EYS: variants seen among roughly 807,000 people sequenced by gnomAD.
The protein encoded by EYS is protein eyes shut homolog.
In EYS, 250 loss-of-function variants were observed where a neutral mutation model predicts 282.1. The observed-to-expected ratio is 0.89, with a 90% CI of 0.80 to 0.98. The LOEUF (loss-of-function observed/expected upper bound fraction) is 0.98. Ranked by LOEUF, EYS falls within the 50% of genes least tolerant of loss-of-function variation. The pLI, the probability that EYS is intolerant of heterozygous loss-of-function variation, is 0.00. For synonymous variants in EYS, 1,355 were observed against 1,282.9 expected (o/e 1.06, Z -1.20); for missense variants, 4,016 against 3,709.0 (o/e 1.08, Z -2.15).
chr6:64,682,823 C>T (rs1432368593), intron 22 of EYS, among the ~76,000 whole-genome samples: 2 of 152,180 alleles, frequency 1.3e-5, no homozygotes, highest in Non-Finnish European at 2.9e-5. Flanking sequence ...AACTTCCGCT[C>T]CTGCTCTGAA....
chr6:64,944,658 G>C (rs1769213013), intron 15 of EYS, among the ~76,000 whole-genome samples: 1 of 152,046 alleles, frequency 6.6e-6, no homozygotes, highest in African/African-American at 2.4e-5. Context: ...CTGTGCTGAG[G>C]AGGATTAGTA....
In EYS at chr6:64,296,541, A is replaced by AATATATATATAT. The variant is rs1211614579; in HGVS notation, c.6191+10417_6191+10428dup. 9.0e-4 allele frequency among the ~76,000 whole-genome samples: 14 copies of AATATATATATAT among 15,640 alleles called. No homozygotes were observed. The South Asian group carries it at 9.3e-3, about 10-fold the overall frequency. The allele number at this position is 15,640 out of a possible 152,430, so 10.3% of individuals were successfully genotyped here. On this transcript the variant is annotated intron_variant, in intron 30 of 42. Transcript: ENST00000503581. ...ACCTAGACAACAATTGTACTGGCAG[A>AATATATATATAT]ATATATATATATATATATATATATA...
chr6:64,141,985 A>G (rs1170494294), intron 31 of EYS, among the ~76,000 whole-genome samples: 1 of 152,162 alleles, frequency 6.6e-6, no homozygotes, highest in African/African-American at 2.4e-5. Flanking sequence ...CCAAAGTTTG[A>G]ATCAGATATA....
chr6:64,339,916 C>T (rs1411790360), intron 29 of EYS, among the ~76,000 whole-genome samples: 1 of 151,438 alleles, frequency 6.6e-6, no homozygotes, highest in Non-Finnish European at 1.5e-5. Flanking sequence ...AGGAGGTGGG[C>T]AAGGAATACA....
chr6:65,577,135 C>T (rs140909562), intron 2 of EYS, among the ~76,000 whole-genome samples: 13 of 151,796 alleles, frequency 8.6e-5, no homozygotes, highest in African/African-American at 3.1e-4. Flanking sequence ...GTAAAAAGAA[C>T]AAAGCCAGAT....
intron 24 of EYS, among the ~76,000 whole-genome samples, chr6:64,615,138 C>T (rs1180513586): frequency 6.6e-6 from 1 of 152,082 alleles, no homozygotes; most frequent in African/African-American, 2.4e-5. Flanking sequence ...TGTTCACCTA[C>T]ACTCTATGTA....
intron 41 of EYS, among the ~76,000 whole-genome samples, chr6:63,746,422 G>A (rs569018326): frequency 4.6e-5 from 7 of 152,262 alleles, no homozygotes; most frequent in Admixed American, 4.6e-4. Context: ...TTTGGTATCA[G>A]GATGATACTG....
intron 22 of EYS, among the ~76,000 whole-genome samples, chr6:64,648,639 T>C (rs938929831): frequency 2.6e-5 from 4 of 152,016 alleles, no homozygotes; most frequent in Non-Finnish European, 5.9e-5. Context: ...AAACCAAAAT[T>C]GAGGCAAAAT....
chr6:64,119,866 A>G (rs2150272921), intron 31 of EYS, among the ~76,000 whole-genome samples: 2 of 152,286 alleles, frequency 1.3e-5, no homozygotes, highest in South Asian at 4.1e-4. Flanking sequence ...GCATTTTCTT[A>G]GCCCTACTTT....
chr6:65,584,897 T>TGA (rs1554213681), intron 2 of EYS, among the ~76,000 whole-genome samples: 1 of 89,652 alleles, frequency 1.1e-5, no homozygotes, highest in African/African-American at 3.8e-5. Context: ...ATTATATATA[T>TGA]TATATATATA....
At chr6:64,292,695 A>C (rs1394587295) in intron 30 of EYS, among the ~76,000 whole-genome samples, 1 of 152,054 alleles carries the variant, frequency 6.6e-6, no homozygotes, top group Non-Finnish European at 1.5e-5. Flanking sequence ...ATTTTGTGTT[A>C]GTTGCTTTTT....
intron 35 of EYS, among the ~76,000 whole-genome samples, chr6:63,955,728 A>AC (rs1765788245): frequency 6.6e-6 from 1 of 152,142 alleles, no homozygotes; most frequent in African/African-American, 2.4e-5. Context: ...ATAAAAAAAA[A>AC]CTCAAGGATA....
intron 29 of EYS, among the ~76,000 whole-genome samples, chr6:64,371,707 C>A (rs1772380452): frequency 6.6e-6 from 1 of 152,104 alleles, no homozygotes; most frequent in Admixed American, 6.6e-5. Context: ...GTGTTGGGTA[C>A]ATATTTTTTT....
chr6:64,757,874 T>A (rs1483270690), intron 22 of EYS, among the ~76,000 whole-genome samples: 1 of 151,552 alleles, frequency 6.6e-6, no homozygotes, highest in Admixed American at 6.6e-5. Context: ...AAGCTTCGCC[T>A]CCCGGCTTCA....
intron 8 of EYS, among the ~76,000 whole-genome samples, chr6:65,368,141 A>G (rs1764985703): frequency 6.6e-6 from 1 of 151,574 alleles, no homozygotes; most frequent in East Asian, 1.9e-4. Context: ...AGATATTGTG[A>G]GAACTCACTC....
At chr6:63,843,366 C>A (rs138690052) in intron 36 of EYS, among the ~76,000 whole-genome samples, 96 of 152,162 alleles carry the variant, frequency 6.3e-4, no homozygotes, top group African/African-American at 2.2e-3. Context: ...CTCTTTGTAG[C>A]GATTGTGAAT....
intron 22 of EYS, among the ~76,000 whole-genome samples, chr6:64,765,595 G>A (rs925847914): frequency 5.3e-5 from 8 of 152,092 alleles, no homozygotes; most frequent in Non-Finnish European, 8.8e-5. Flanking sequence ...TCATTGAATC[G>A]CAGTTCCTCA....
intron 13 of EYS, among the ~76,000 whole-genome samples, chr6:65,029,883 T>G (rs72877827): frequency 0.069 from 10,452 of 152,194 alleles, 457 homozygotes; most frequent in East Asian, 0.13. Context: ...GAGGGACGCA[T>G]TCCTGGTGCC....
intron 19 of EYS, among the ~76,000 whole-genome samples, chr6:64,867,150 AC>A (rs755351919): frequency 4.0e-5 from 6 of 151,750 alleles, no homozygotes; most frequent in Non-Finnish European, 7.4e-5. Context: ...TATCAAAAAG[AC>A]CATGTGTCTT....
Sources: allele counts gnomAD v4.1 joint callset (sites outside exome capture counted in the v4.1 genomes callset), GRCh38; gene constraint gnomAD v4.1.1; transcripts MANE v1.5; gene names NCBI Gene and HGNC (gene_info 2026-07-23, HGNC 2026-07-21).